The following VSNL1 variants were observed in gnomAD, a reference collection of about 807,000 sequenced individuals.
VSNL1 encodes the protein visinin like 1.
In VSNL1, 6 loss-of-function variants were observed where a neutral mutation model predicts 20.4. The observed-to-expected ratio is 0.29, with a 90% CI of 0.16 to 0.58. The LOEUF is 0.58. Ranked by LOEUF, VSNL1 falls within the 20% of genes least tolerant of loss-of-function variation. The pLI, the probability that VSNL1 is intolerant of heterozygous loss-of-function variation, is 0.90. For synonymous variants in VSNL1, 93 were observed against 86.4 expected, an observed-to-expected ratio of 1.08 and a Z score of -0.42; for missense variants, 100 against 234.5, an observed-to-expected ratio of 0.43 and a Z score of 3.75.
At chr2:17,626,321 C>T (rs940366564) in intron 2 of VSNL1, among the ~76,000 whole-genome samples, 1 of 152,184 alleles carries the variant, frequency 6.6e-6, no homozygotes, top group Non-Finnish European at 1.5e-5. Context: ...TTGTGTAGTA[C>T]CCCTTGGGGC....
intron 2 of VSNL1, among the ~76,000 whole-genome samples, chr2:17,626,196 C>A (rs1418846654): frequency 6.6e-6 from 1 of 152,170 alleles, no homozygotes; most frequent in African/African-American, 2.4e-5. Context: ...GCCCCACCTG[C>A]AAAAACTGGT....
At chr2:17,602,980 C>T (rs955944812) in intron 2 of VSNL1, among the ~76,000 whole-genome samples, 4 of 152,114 alleles carry the variant, frequency 2.6e-5, no homozygotes, top group South Asian at 2.1e-4. Flanking sequence ...TCTTAACAAT[C>T]TGTGTAAATA....
rs191445395 is a variant in VSNL1 at position 17,649,355 on chromosome 2, G to A, written c.163-55G>A. 37 of 1,559,260 alleles carry A rather than the reference G, an allele frequency of 2.4e-5. No individual in the cohort carries two copies. Among genetic ancestry groups the A allele is most frequent in the Admixed American group, 1.0e-4 (6 of 59,840 alleles). Reference sequence around the variant, plus strand: ...GATGCCGTCATTAGGAACCTACCTCGTCGCCCCGATTCCATCCCCTCCCGA... The same window carrying A: ...GATGCCGTCATTAGGAACCTACCTCATCGCCCCGATTCCATCCCCTCCCGA... On this transcript the variant is annotated intron_variant, in intron 2 of 3. Transcript: ENST00000295156. This position sits in a 1 kb window ranked among gnomAD's most constrained non-coding sequence, Gnocchi z 6.4.
chr2:17,650,292 C>G lies in VSNL1; in HGVS notation c.378+667C>G, dbSNP rs568062126. ...TCCTGCATACCTTCCCAAATATGCC[C>G]ACTCCACCCTCACACCAAAGCAATC... is the stretch of plus-strand genomic sequence containing the variant. On this transcript the variant is annotated intron_variant, in intron 3 of 3. Transcript: ENST00000295156. Among the ~76,000 whole-genome samples the G allele has an allele frequency of 2.0e-5, 3 of 152,314 alleles. No individual in the cohort carries two copies. In the East Asian group the frequency reaches 5.8e-4, roughly 29 times the overall value.
At chr2:17,551,094 T>G (rs914315088) in intron 1 of VSNL1, among the ~76,000 whole-genome samples, 2 of 152,138 alleles carry the variant, frequency 1.3e-5, no homozygotes, top group African/African-American at 2.4e-5. Context: ...AGTCAGGAGT[T>G]GTTAAAGAGT....
At chr2:17,600,715 T>C (rs1664803422) in intron 2 of VSNL1, among the ~76,000 whole-genome samples, 1 of 152,218 alleles carries the variant, frequency 6.6e-6, no homozygotes, top group Admixed American at 6.5e-5. Flanking sequence ...AAATACATAA[T>C]GTCATCCAGA....
chr2:17,589,382 G>A (rs193251039), intron 1 of VSNL1, among the ~76,000 whole-genome samples: 1 of 152,312 alleles, frequency 6.6e-6, no homozygotes, highest in East Asian at 1.9e-4. Flanking sequence ...TTAGAGAGTA[G>A]ATCAATGAGG....
chr2:17,633,235 ACCCTCCCACTGGGT>A (rs1233631930), intron 2 of VSNL1, among the ~76,000 whole-genome samples: 1 of 150,036 alleles, frequency 6.7e-6, no homozygotes, highest in African/African-American at 2.5e-5. Context: ...TGTGGGAATG[ACCCTCCCACTGGGT>A]CCCTCCCAGG....
intron 2 of VSNL1, among the ~76,000 whole-genome samples, chr2:17,614,234 C>T (rs953436367): frequency 6.6e-6 from 1 of 152,198 alleles, no homozygotes; most frequent in Admixed American, 6.5e-5. Context: ...GCAACGTAGA[C>T]CTGGCAGCTC....
chr2:17,653,186 G>A (rs1054985949), intron 3 of VSNL1, among the ~76,000 whole-genome samples: 2 of 152,092 alleles, frequency 1.3e-5, no homozygotes, highest in African/African-American at 4.8e-5. Flanking sequence ...CATCTGAAAC[G>A]GCCCTTCTTG....
chr2:17,594,011 G>A (rs951895587), intron 2 of VSNL1, among the ~76,000 whole-genome samples: 2 of 152,154 alleles, frequency 1.3e-5, no homozygotes, highest in South Asian at 2.1e-4. Flanking sequence ...CGTGTGCCAC[G>A]TTCCTCACTA....
At chr2:17,550,239 C>T (rs1045537868) in intron 1 of VSNL1, among the ~76,000 whole-genome samples, 3 of 152,144 alleles carry the variant, frequency 2.0e-5, no homozygotes, top group African/African-American at 7.2e-5. Context: ...AATATGTCCC[C>T]TGTCTTCTCC....
chr2:17,596,974 C>G (rs918242671), intron 2 of VSNL1, among the ~76,000 whole-genome samples: 9 of 152,220 alleles, frequency 5.9e-5, no homozygotes, highest in Admixed American at 5.9e-4. Flanking sequence ...CTCATTTACA[C>G]TTACACAGCC....
At chr2:17,588,831 A>G (rs1664534002) in intron 1 of VSNL1, among the ~76,000 whole-genome samples, 1 of 152,174 alleles carries the variant, frequency 6.6e-6, no homozygotes, top group South Asian at 2.1e-4. Context: ...CTCTCCTTAT[A>G]TATAGATTAT....
chr2:17,562,041 A>T (rs1035933467), intron 1 of VSNL1, among the ~76,000 whole-genome samples: 1 of 152,170 alleles, frequency 6.6e-6, no homozygotes. Flanking sequence ...ATTCAATTCC[A>T]CTGAGGTTTC....
intron 2 of VSNL1, among the ~76,000 whole-genome samples, chr2:17,592,637 TCTC>T (rs1358740946): frequency 3.0e-5 from 3 of 99,996 alleles, no homozygotes; most frequent in African/African-American, 1.2e-4. Context: ...TCTCTCTCTC[TCTC>T]TTTTTTTTTT....
At chr2:17,646,416 C>T (rs1015416158) in intron 2 of VSNL1, among the ~76,000 whole-genome samples, 1 of 152,216 alleles carries the variant, frequency 6.6e-6, no homozygotes. Context: ...GTGGCAGAAA[C>T]GGTCAGACAG....
At chr2:17,545,636 CTT>C (rs1663389838) in intron 1 of VSNL1, among the ~76,000 whole-genome samples, 1 of 152,084 alleles carries the variant, frequency 6.6e-6, no homozygotes, top group African/African-American at 2.4e-5. Context: ...CTTATGCACT[CTT>C]AAGTGAATCA....
chr2:17,553,653 C>A (rs1000155594), intron 1 of VSNL1, among the ~76,000 whole-genome samples: 6 of 152,136 alleles, frequency 3.9e-5, no homozygotes, highest in African/African-American at 1.4e-4. Context: ...AAATAATGGA[C>A]TATATGTCAG....
Sources: gnomAD v4.1 joint callset for allele counts (sites outside exome capture counted in the v4.1 genomes callset) on GRCh38, gnomAD v4.1.1 for gene constraint, Gnocchi (gnomAD v3.1) non-coding constraint, MANE v1.5 for transcripts, NCBI Gene and HGNC (gene_info 2026-07-23, HGNC 2026-07-21) for gene names.